ETS1: variants seen among roughly 807,000 people sequenced by gnomAD.
ETS1 encodes protein C-ets-1.
In ETS1, 15 loss-of-function variants were observed where a neutral mutation model predicts 58.6. That is an observed-to-expected ratio of 0.26 (90% CI 0.17 to 0.39). ETS1 has a LOEUF of 0.39. Ranked by LOEUF, ETS1 falls within the 10% of genes least tolerant of loss-of-function variation. ETS1 has a pLI of 1.00. For synonymous variants in ETS1, 214 were observed against 218.2 expected (o/e 0.98, Z 0.17); for missense variants, 417 against 610.5 (o/e 0.68, Z 3.34).
At chr11:128,497,607 A>G in intron 3 of ETS1, 1 of 984,690 alleles carries the variant, frequency 1.0e-6, no homozygotes, top group South Asian at 4.7e-5. Context: ...GCCCTTGACC[A>G]TTACATGGTA....
intron 8 of ETS1, among the ~76,000 whole-genome samples, chr11:128,479,278 T>A (rs138148273): frequency 8.3e-4 from 126 of 152,124 alleles, no homozygotes; most frequent in African/African-American, 2.9e-3. Context: ...ATATCCAGGG[T>A]GGAGAGAATT....
rs1359196861 is a variant in ETS1 at position 128,462,112 on chromosome 11, G to A, written c.*249C>T. The A allele has an allele frequency of 2.6e-5, 13 of 493,876 alleles. No homozygotes were observed. Among genetic ancestry groups the A allele is most frequent in the Non-Finnish European group, 2.9e-5 (8 of 275,124 alleles). The allele number at this position is 493,876 out of a possible 1,614,324, so 30.6% of individuals were successfully genotyped here. On this transcript the variant is annotated 3_prime_UTR_variant, in exon 10 of 10. Transcript: ENST00000392668. ...TAAGCCAGAGCCTTCAAGCTTCTGA[G>A]AAGGCCCTTCTCCCTCTCCTGAAAA...
At chr11:128,550,633 A>G (rs1864214199) in intron 3 of ETS1, among the ~76,000 whole-genome samples, 1 of 152,174 alleles carries the variant, frequency 6.6e-6, no homozygotes, top group African/African-American at 2.4e-5. Context: ...CCCTGGGAGT[A>G]GCTTGTCAGG....
intron 3 of ETS1, among the ~76,000 whole-genome samples, chr11:128,550,054 C>A (rs569865766): frequency 1.3e-5 from 2 of 152,332 alleles, no homozygotes. Context: ...ACTATACTAC[C>A]CTCATGCAGT....
intron 8 of ETS1, among the ~76,000 whole-genome samples, chr11:128,471,958 G>T (rs527363618): frequency 6.6e-6 from 1 of 152,308 alleles, no homozygotes; most frequent in South Asian, 2.1e-4. Context: ...TCCTTGGAAG[G>T]TAGTTGAACT....
chr11:128,472,549 A>G (rs1387760428), intron 8 of ETS1, among the ~76,000 whole-genome samples: 3 of 152,080 alleles, frequency 2.0e-5, no homozygotes, highest in Non-Finnish European at 4.4e-5. Context: ...CTGTCACACT[A>G]CCTGTTCTAC....
At position 128,461,717 on chromosome 11, in the gene ETS1, G is replaced by A. The variant is rs960733943; in HGVS notation, c.*644C>T. The A allele has an allele frequency of 6.6e-6, 1 of 152,556 alleles. No homozygotes were observed. The highest frequency in any genetic ancestry group is 2.1e-4 in the South Asian group (1 of 4,808). 9.5% of individuals were successfully genotyped at this position (152,556 alleles called of 1,614,324 possible). A position where few individuals can be genotyped will look rare whatever the true frequency, so the allele number is the denominator to read the frequency against. On this transcript the variant is annotated 3_prime_UTR_variant, in exon 10 of 10. Transcript: ENST00000392668. ...AATAAAAACAAACTTACATGATATT[G>A]CAATACTGAGACCACCTTAGAGCTT...
chr11:128,578,869 G>C (rs1053449080), intron 1 of ETS1, among the ~76,000 whole-genome samples: 8 of 152,060 alleles, frequency 5.3e-5, no homozygotes, highest in African/African-American at 1.7e-4. Context: ...CTTTTAAAGA[G>C]CCTCTTATTA....
rs375181159 is a variant in ETS1 at position 128,463,489 on chromosome 11, G to A, written c.1242+20C>T. 154 of 1,349,766 alleles carry A rather than the reference G, an allele frequency of 1.1e-4. No individual in the cohort carries two copies. The highest frequency in any genetic ancestry group is 1.2e-4 in the Admixed American group (7 of 59,594). 83.6% of individuals were successfully genotyped at this position (1,349,766 alleles called of 1,614,324 possible). A position where few individuals can be genotyped will look rare whatever the true frequency, so the allele number is the denominator to read the frequency against. On this transcript the variant is annotated intron_variant, in intron 9 of 9. Transcript: ENST00000392668. The surrounding 1 kb of genome is among the most constrained non-coding windows in gnomAD (Gnocchi z 4.1). ...CTCATCCTTCCTCAACACAGTACTCGCAAGCCCCTCCTTCCTTACCTCATC... is the reference window on the plus strand; with the variant it reads ...CTCATCCTTCCTCAACACAGTACTCACAAGCCCCTCCTTCCTTACCTCATC...
chr11:128,545,612 C>G (rs1338531740), intron 3 of ETS1, among the ~76,000 whole-genome samples: 1 of 152,188 alleles, frequency 6.6e-6, no homozygotes, highest in Non-Finnish European at 1.5e-5. Flanking sequence ...CACTGTACCT[C>G]TCAAGCAGCT....
chr11:128,488,926 G>GAAAACA lies in ETS1; in HGVS notation c.535+358_535+363dup, dbSNP rs550846811. On this transcript the variant is annotated intron_variant, in intron 5 of 9. Coordinates refer to ENST00000392668, the MANE Select transcript of ETS1 (RefSeq NM_001143820.2). Reference sequence around the variant, plus strand: ...CAAGGCAGTGTGTATTAAGATTGCAGAAAACAAAAACAAAAACAAAAACAA... The same window carrying GAAAACA: ...CAAGGCAGTGTGTATTAAGATTGCAGAAAACAAAAACAAAAACAAAAACAAAAACAA... 2.4e-3 allele frequency among the ~76,000 whole-genome samples: 361 copies of GAAAACA among 152,178 alleles called. 1 individual carries two copies. Among genetic ancestry groups the GAAAACA allele is most frequent in the African/African-American group, 7.1e-3 (296 of 41,504 alleles).
In ETS1 at chr11:128,548,330, GT is replaced by G. The variant is rs557051301; in HGVS notation, c.214+7960del. On this transcript the variant is annotated intron_variant, in intron 3 of 9. Transcript: ENST00000392668. ...GCTTTGCCATTTCCACATTCAATAC[GT>G]TTTTTTTTTTTTAATTTCTTCCTTC... 8.7e-3 allele frequency among the ~76,000 whole-genome samples: 1,264 copies of G among 144,758 alleles called. 7 individuals carry two copies. Among genetic ancestry groups the G allele is most frequent in the Non-Finnish European group, 0.011 (749 of 65,420 alleles). The allele number at this position is 144,758 out of a possible 152,430, so 95.0% of individuals were successfully genotyped here. A position where few individuals can be genotyped will look rare whatever the true frequency, so the allele number is the denominator to read the frequency against.
intron 2 of ETS1, among the ~76,000 whole-genome samples, chr11:128,571,266 A>T (rs1864622164): frequency 6.6e-6 from 1 of 152,182 alleles, no homozygotes; most frequent in Admixed American, 6.5e-5. Flanking sequence ...AATATAAAAA[A>T]TTAGCCAGGC....
Position 128,489,274 on chromosome 11 carries a change from G to A in ETS1, c.535+16C>T. ...CCCCACATAACCTCCACCTCTCTCT[G>A]TTTCCACATATTTACCTTTCTGCAG... On this transcript the variant is annotated intron_variant, in intron 5 of 9. Transcript: ENST00000392668. 6.2e-7 allele frequency: 1 copy of A among 1,611,286 alleles called. No individual in the cohort carries two copies. The highest frequency in any genetic ancestry group is 8.5e-7 in the Non-Finnish European group (1 of 1,177,538).
chr11:128,586,426 T>C lies in ETS1; in HGVS notation c.-15+1062A>G, dbSNP rs143782319. On this transcript the variant is annotated intron_variant, in intron 1 of 9. Coordinates refer to ENST00000392668, the MANE Select transcript of ETS1 (RefSeq NM_001143820.2). ...GCCCACGGCCCCTGAAGAAAAAGCG[T>C]TTTCTCTTTGGATAAAAATAGGCCA... Among the ~76,000 whole-genome samples, 463 of 152,220 alleles carry C rather than the reference T, an allele frequency of 3.0e-3. 5 individuals are homozygous for C. Among genetic ancestry groups the C allele is most frequent in the Middle Eastern group, 6.8e-3 (2 of 294 alleles).
chr11:128,552,519 G>A (rs549406415), intron 3 of ETS1, among the ~76,000 whole-genome samples: 75 of 152,312 alleles, frequency 4.9e-4, no homozygotes, highest in African/African-American at 1.7e-3. Context: ...TTGCAAAAGT[G>A]TACTTTGCTC....
chr11:128,470,252 A>C (rs1446762297), intron 8 of ETS1, among the ~76,000 whole-genome samples: 2 of 152,216 alleles, frequency 1.3e-5, no homozygotes, highest in Non-Finnish European at 2.9e-5. Context: ...CAAAAAATTT[A>C]AAAATAAAAG....
At chr11:128,540,037 C>T (rs1373388467) in intron 3 of ETS1, among the ~76,000 whole-genome samples, 14 of 152,122 alleles carry the variant, frequency 9.2e-5, no homozygotes, top group African/African-American at 2.9e-4. Context: ...TGTTGCTGGG[C>T]GCAGTGGATC....
chr11:128,534,674 G>C (rs1863946682), intron 3 of ETS1, among the ~76,000 whole-genome samples: 1 of 152,192 alleles, frequency 6.6e-6, no homozygotes, highest in Non-Finnish European at 1.5e-5. Flanking sequence ...AGAACAGACA[G>C]TGTTTGGTTT....
Sources: gnomAD v4.1 joint callset for allele counts (sites outside exome capture counted in the v4.1 genomes callset) on GRCh38, gnomAD v4.1.1 for gene constraint, Gnocchi (gnomAD v3.1) non-coding constraint, MANE v1.5 for transcripts, NCBI Gene and HGNC (gene_info 2026-07-23, HGNC 2026-07-21) for gene names.